Variants in ATXN2 observed in about 807,000 individuals in gnomAD.
ATXN2 encodes ataxin 2.
In ATXN2, 37 loss-of-function variants were observed where a neutral mutation model predicts 138.6. That is an observed-to-expected ratio of 0.27 (90% CI 0.21 to 0.35). The LOEUF is 0.35. Ranked by LOEUF, ATXN2 falls within the 10% of genes least tolerant of loss-of-function variation. ATXN2 has a pLI of 1.00. For synonymous variants in ATXN2, 549 were observed against 543.7 expected, an observed-to-expected ratio of 1.01 and a Z score of -0.13; for missense variants, 1,216 against 1,480.3, an observed-to-expected ratio of 0.82 and a Z score of 2.93.
intron 10 of ATXN2, among the ~76,000 whole-genome samples, chr12:111,515,188 G>C (rs992776209): frequency 6.6e-6 from 1 of 152,148 alleles, no homozygotes; most frequent in East Asian, 1.9e-4. Flanking sequence ...TTATTTAAAA[G>C]TAGCCAATAC....
At chr12:111,596,060 T>C (rs1204630751) in intron 1 of ATXN2, among the ~76,000 whole-genome samples, 1 of 152,002 alleles carries the variant, frequency 6.6e-6, no homozygotes, top group African/African-American at 2.4e-5. Flanking sequence ...ATTAGCCAGG[T>C]GTGGTAGCAC....
chr12:111,520,798 T>A, intron 7 of ATXN2, 84 bp downstream of exon 7: 3 of 741,030 alleles, frequency 4.0e-6, no homozygotes, highest in Non-Finnish European at 6.3e-6. Flanking sequence ...ACTTAAAAAC[T>A]AACAAACATT....
chr12:111,504,285 A>G (rs1437189096), intron 14 of ATXN2, among the ~76,000 whole-genome samples: 6 of 152,154 alleles, frequency 3.9e-5, no homozygotes, highest in African/African-American at 1.2e-4. Flanking sequence ...AGATAATTCA[A>G]TGGAGGAAAG....
chr12:111,452,839 T>C lies in ATXN2; in HGVS notation c.3441A>G (p.Val1147=), dbSNP rs1874758949. 1.9e-6 allele frequency: 3 copies of C among 1,610,498 alleles called. No homozygotes were observed. The highest frequency in any genetic ancestry group is 1.7e-5 in the Admixed American group (1 of 59,368). The change falls in exon 25 of 25, where the codon GTA becomes GTG. Residue 1147 remains valine (V), a splice_region_variant and synonymous_variant. Coordinates refer to ENST00000673436, the MANE Select transcript of ATXN2 (RefSeq NM_001372574.1). ...ACAACTGCTGTTGGTGGTGGGCTTG[T>C]ACTGTAAAAAGAAAAGCGAACATTG... The part of the protein sequence containing the change: ...AHFPYMTHPS[V]QAHHQQQL
chr12:111,545,817 T>C (rs1881770991), intron 5 of ATXN2, among the ~76,000 whole-genome samples: 1 of 151,862 alleles, frequency 6.6e-6, no homozygotes, highest in Non-Finnish European at 1.5e-5. Context: ...TATAAAAAAT[T>C]AGTCAGGCAT....
chr12:111,531,672 C>A (rs1030402467), intron 5 of ATXN2, among the ~76,000 whole-genome samples: 25 of 152,106 alleles, frequency 1.6e-4, no homozygotes, highest in African/African-American at 5.8e-4. Context: ...ATAAGAAACA[C>A]AGTTAAGGGT....
At chr12:111,532,131 G>A (rs150391332) in intron 5 of ATXN2, among the ~76,000 whole-genome samples, 1 of 152,270 alleles carries the variant, frequency 6.6e-6, no homozygotes, top group East Asian at 1.9e-4. Context: ...TGGGAGGACT[G>A]CCTGAGCCCA....
intron 18 of ATXN2, among the ~76,000 whole-genome samples, chr12:111,474,745 C>A (rs1876671136): frequency 6.6e-6 from 1 of 152,226 alleles, no homozygotes; most frequent in Non-Finnish European, 1.5e-5. Context: ...AGGGATGAAA[C>A]ATGACTGGCC....
chr12:111,526,026 T>C lies in ATXN2; in HGVS notation c.572-710A>G, dbSNP rs143212248. ...TATATTGACATAATTCATTAAATTA[T>C]ATTACAGGTAATTACTCTGCATGTC... On this transcript the variant is annotated intron_variant, in intron 5 of 24. Transcript: ENST00000673436. Among the ~76,000 whole-genome samples the C allele has an allele frequency of 1.7e-3, 251 of 152,078 alleles. 2 individuals carry two copies. The highest frequency in any genetic ancestry group is 1.5e-3 in the Non-Finnish European group (101 of 67,986).
chr12:111,471,816 C>T (rs943391006), intron 18 of ATXN2: 1 of 151,670 alleles, frequency 6.6e-6, no homozygotes, highest in Non-Finnish European at 1.5e-5. Flanking sequence ...AAAGTTTGCC[C>T]GATTATGCTA....
chr12:111,527,579 A>T (rs1247319759), intron 5 of ATXN2, among the ~76,000 whole-genome samples: 1 of 152,172 alleles, frequency 6.6e-6, no homozygotes, highest in Non-Finnish European at 1.5e-5. Flanking sequence ...AGGGAATAAA[A>T]GCATTAATCC....
rs547502608 is a variant in ATXN2, at chr12:111,488,484, G to A, written c.2232C>T (p.Asp744=). Residue 744 remains aspartate, a synonymous_variant, in exon 15 of 25, where the codon GAC becomes GAT. Coordinates refer to ENST00000673436, the MANE Select transcript of ATXN2 (RefSeq NM_001372574.1). ...QEKDDKEEKK[D]AAEQVRKSTL... Reference sequence around the variant, plus strand: ...GTTCCAGGTTTACTCACTCAGCTGCGTCTTTCTTCTCTTCCTTATCGTCTT... The same window carrying A: ...GTTCCAGGTTTACTCACTCAGCTGCATCTTTCTTCTCTTCCTTATCGTCTT... 70 of 1,608,062 alleles carry A rather than the reference G, an allele frequency of 4.4e-5. No individual in the cohort carries two copies. Among genetic ancestry groups the A allele is most frequent in the Middle Eastern group, 1.7e-4 (1 of 6,032 alleles).
In ATXN2 at chr12:111,579,855, G is replaced by A. The variant is rs982455561; in HGVS notation, c.251+18929C>T. On this transcript the variant is annotated intron_variant, in intron 1 of 24. Transcript: ENST00000673436. The stretch of plus-strand genomic sequence containing the variant: ...GCTGGGATTACAGGAGCGCGCCACC[G>A]TGCCTGGCTAATTTTTGTACTTTTA... 3.3e-5 allele frequency among the ~76,000 whole-genome samples: 5 copies of A among 151,604 alleles called. No individual in the cohort carries two copies. In the South Asian group the frequency reaches 6.3e-4, roughly 19 times the overall value.
At chr12:111,475,380 A>G (rs1053983091) in intron 18 of ATXN2, among the ~76,000 whole-genome samples, 3 of 143,202 alleles carry the variant, frequency 2.1e-5, no homozygotes, top group African/African-American at 8.9e-5. Flanking sequence ...AATATGAAAC[A>G]ATTAAAAAAA....
At chr12:111,593,132 G>A (rs1020095464) in intron 1 of ATXN2, among the ~76,000 whole-genome samples, 1 of 151,896 alleles carries the variant, frequency 6.6e-6, no homozygotes, top group Non-Finnish European at 1.5e-5. Context: ...GCCCAGGCTG[G>A]AGTGTAATGG....
At chr12:111,590,104 C>T (rs1376299454) in intron 1 of ATXN2, among the ~76,000 whole-genome samples, 1 of 151,916 alleles carries the variant, frequency 6.6e-6, no homozygotes, top group Non-Finnish European at 1.5e-5. Context: ...ATCCCAGCTA[C>T]TCAGGAGGCT....
chr12:111,599,528 C>A (rs1338032011), upstream of ATXN2: 1 of 1,207,912 alleles, frequency 8.3e-7, no homozygotes. Context: ...AGGGCGGGCG[C>A]GCCGAGGCGC....
intron 5 of ATXN2, among the ~76,000 whole-genome samples, chr12:111,531,496 C>A (rs937761716): frequency 1.4e-4 from 21 of 152,168 alleles, no homozygotes; most frequent in Non-Finnish European, 3.1e-4. Context: ...CACAGGCTTC[C>A]CCAGGGAAGT....
intron 1 of ATXN2, among the ~76,000 whole-genome samples, chr12:111,582,994 T>C (rs1456177051): frequency 3.9e-4 from 2 of 5,172 alleles, no homozygotes; most frequent in African/African-American, 1.2e-3. Flanking sequence ...TTTTTGTTTG[T>C]TTTTTTTTTT....
Sources: gnomAD v4.1 joint callset for allele counts (sites outside exome capture counted in the v4.1 genomes callset) on GRCh38, gnomAD v4.1.1 for gene constraint, MANE v1.5 for transcripts, NCBI Gene and HGNC (gene_info 2026-07-23, HGNC 2026-07-21) for gene names.